The following MARK2 variants were observed in gnomAD, a reference collection of about 807,000 sequenced individuals.
MARK2 encodes serine/threonine-protein kinase MARK2.
A neutral mutation model predicts 89.8 loss-of-function variants in MARK2; 16 were observed. That is an observed-to-expected ratio of 0.18 (90% CI 0.12 to 0.27). The LOEUF (loss-of-function observed/expected upper bound fraction) is 0.27. MARK2 is among the 10% of genes least tolerant of loss of function. MARK2 has a pLI of 1.00. For synonymous variants in MARK2, 382 were observed against 399.5 expected (o/e 0.96, Z 0.52); for missense variants, 621 against 1,049.9 (o/e 0.59, Z 5.65).
At position 63,899,912 on chromosome 11, in the gene MARK2, G is replaced by A. The variant is rs1940729013; in HGVS notation, c.570G>A (p.Lys190=). ...NLLLDADMNI[K]IADFGFSNEF... is the part of the protein sequence containing the mutation. ...TCTTGGATGCTGATATGAACATCAA[G>A]ATTGCAGACTTTGGCTTCAGCAATG... Residue 190 remains lysine, a synonymous_variant, in exon 8 of 19, where the codon AAG becomes AAA. Transcript: ENST00000402010. 7 of 1,614,154 alleles carry A rather than the reference G, an allele frequency of 4.3e-6. No individual in the cohort carries two copies. Among genetic ancestry groups the A allele is most frequent in the Non-Finnish European group, 5.9e-6 (7 of 1,180,000 alleles).
rs558837166 is a variant in MARK2 at position 63,896,507 on chromosome 11, G to A, written c.288+874G>A. On this transcript the variant is annotated intron_variant, in intron 3 of 18. Coordinates refer to ENST00000402010, the MANE Select transcript of MARK2 (RefSeq NM_001039469.3). ...ATATTTTCTCCATAAGCATATTGTG[G>A]CAGTTGAGTTAGGAGAAGGCATGAT... Among the ~76,000 whole-genome samples, 3 of 152,332 alleles carry A rather than the reference G, an allele frequency of 2.0e-5. No homozygotes were observed. The South Asian group carries it at 6.2e-4, about 32-fold the overall frequency.
chr11:63,888,731 C>G (rs1307125045), intron 1 of MARK2: 3 of 1,197,890 alleles, frequency 2.5e-6, no homozygotes, highest in Non-Finnish European at 3.2e-6. Flanking sequence ...GCGACACCGT[C>G]CAGGTTCCCA....
chr11:63,845,488 C>T (rs1409151870), intron 1 of MARK2, among the ~76,000 whole-genome samples: 1 of 152,140 alleles, frequency 6.6e-6, no homozygotes, highest in Admixed American at 6.5e-5. Context: ...CTCCAGGCCT[C>T]CTCCCAGCTT....
rs772912414 is a variant in MARK2, at chr11:63,900,994, C to T, written c.1026C>T (p.Ile342=). ...CCATGGGTTATACACGGGAAGAGATCCAGGACTCGCTGGTGGGCCAGAGAT... is the reference window on the plus strand; with the variant it reads ...CCATGGGTTATACACGGGAAGAGATTCAGGACTCGCTGGTGGGCCAGAGAT... ...MVSMGYTREE[I]QDSLVGQRYN... Residue 342 remains isoleucine (I), a synonymous_variant, in exon 11 of 19, where the codon ATC becomes ATT. Transcript: ENST00000402010. The surrounding 1 kb of genome is among the most constrained non-coding windows in gnomAD (Gnocchi z 4.7). 6.2e-7 allele frequency: 1 copy of T among 1,614,108 alleles called. No homozygotes were observed. Among genetic ancestry groups the T allele is most frequent in the Non-Finnish European group, 8.5e-7 (1 of 1,179,968 alleles).
At chr11:63,879,271 C>T (rs755569354) in intron 1 of MARK2, among the ~76,000 whole-genome samples, 9 of 152,076 alleles carry the variant, frequency 5.9e-5, no homozygotes, top group Non-Finnish European at 1.0e-4. Flanking sequence ...GACACCACTG[C>T]ACTCCAGCCT....
chr11:63,879,525 C>T (rs1938968840), intron 1 of MARK2, among the ~76,000 whole-genome samples: 2 of 151,830 alleles, frequency 1.3e-5, no homozygotes, highest in South Asian at 4.2e-4. Flanking sequence ...TCCAGTAGCA[C>T]CTGAAACAGG....
chr11:63,883,672 C>T (rs1939233280), intron 1 of MARK2, among the ~76,000 whole-genome samples: 1 of 152,118 alleles, frequency 6.6e-6, no homozygotes, highest in Non-Finnish European at 1.5e-5. Flanking sequence ...CTCAGCCTAC[C>T]TCCCTGGGCT....
chr11:63,882,763 C>T (rs1939173417), intron 1 of MARK2: 1 of 152,140 alleles, frequency 6.6e-6, no homozygotes, highest in South Asian at 2.1e-4. Context: ...TATGGTGCCC[C>T]AGTATACAGC....
chr11:63,849,388 C>T (rs181311715), intron 1 of MARK2, among the ~76,000 whole-genome samples: 8 of 152,318 alleles, frequency 5.3e-5, no homozygotes, highest in African/African-American at 1.9e-4. Context: ...GCTTATGGCA[C>T]AGCTGAGAGG....
intron 17 of MARK2, among the ~76,000 whole-genome samples, chr11:63,906,339 A>G (rs905784717): frequency 6.6e-6 from 1 of 152,222 alleles, no homozygotes; most frequent in East Asian, 1.9e-4. Flanking sequence ...AGGCAGGGCT[A>G]AGAGGCCACA....
chr11:63,856,324 T>G (rs1199999049), intron 1 of MARK2, among the ~76,000 whole-genome samples: 10 of 149,424 alleles, frequency 6.7e-5, no homozygotes, highest in African/African-American at 1.2e-4. Flanking sequence ...TTTTTTTGTT[T>G]TTTTTTTTTT....
At chr11:63,839,602 C>T in intron 1 of MARK2, 42 bp downstream of exon 1, 5 of 1,307,278 alleles carry the variant, frequency 3.8e-6, no homozygotes, top group Non-Finnish European at 5.3e-6. Flanking sequence ...TGGCTGGGCC[C>T]TTTGCACCTT....
chr11:63,855,052 A>G (rs2016772356), intron 1 of MARK2, among the ~76,000 whole-genome samples: 1 of 152,212 alleles, frequency 6.6e-6, no homozygotes, highest in Admixed American at 6.5e-5. Flanking sequence ...CAAGTTTTCA[A>G]GTGAAAATTA....
rs115095873 is a variant in MARK2, at chr11:63,881,948, T to C, written c.55-13211T>C. Among the ~76,000 whole-genome samples the C allele has an allele frequency of 4.8e-3, 735 of 152,136 alleles. 6 individuals are homozygous for C. Among genetic ancestry groups the C allele is most frequent in the African/African-American group, 0.017 (708 of 41,488 alleles). On this transcript the variant is annotated intron_variant, in intron 1 of 18. Coordinates refer to ENST00000402010, the MANE Select transcript of MARK2 (RefSeq NM_001039469.3). ...TCCAGCCTGGGCAAGAGAGCAAGACTTCATCTCACAAAAGAAGAAGAAATG... is the reference window on the plus strand; with the variant it reads ...TCCAGCCTGGGCAAGAGAGCAAGACCTCATCTCACAAAAGAAGAAGAAATG...
At chr11:63,886,643 C>T (rs1939416964) in intron 1 of MARK2, among the ~76,000 whole-genome samples, 1 of 152,132 alleles carries the variant, frequency 6.6e-6, no homozygotes, top group Non-Finnish European at 1.5e-5. Flanking sequence ...AGGCTGGTCT[C>T]GAACTCCTGA....
Position 63,904,879 on chromosome 11 carries a change from T to C in MARK2, c.1770T>C (p.Gly590=). The part of the protein sequence containing the change: ...GAPDRTNFPR[G]VSSRSTFHAG... ...CAGACCGAACTAACTTCCCCCGGGG[T>C]GTGTCCAGCCGAAGCACCTTCCATG... The change falls in exon 16 of 19, where the codon GGT becomes GGC. Residue 590 remains glycine (G), a synonymous_variant. Transcript: ENST00000402010. The surrounding 1 kb of genome is among the most constrained non-coding windows in gnomAD (Gnocchi z 6.3). 1.2e-6 allele frequency: 2 copies of C among 1,613,978 alleles called. No individual in the cohort carries two copies. The highest frequency in any genetic ancestry group is 1.3e-5 in the African/African-American group (1 of 74,956).
Position 63,909,573 on chromosome 11 carries a change from CAAAAAGA to C in MARK2, c.*349_*355del, listed in dbSNP as rs957027909. ...CCTAAACCAAGAAATTTTTTATTAC[CAAAAAGA>C]AAAAAGAAAAAAAAAATCCCAGCGG... is the stretch of plus-strand genomic sequence containing the variant. On this transcript the variant is annotated 3_prime_UTR_variant, in exon 19 of 19. Transcript: ENST00000402010. 2.1e-4 allele frequency: 40 copies of C among 192,854 alleles called. No individual in the cohort carries two copies. The highest frequency in any genetic ancestry group is 3.7e-4 in the African/African-American group (16 of 42,832). 11.9% of individuals were successfully genotyped at this position (192,854 alleles called of 1,614,324 possible). A position where few individuals can be genotyped will look rare whatever the true frequency, so the allele number is the denominator to read the frequency against.
intron 3 of MARK2, among the ~76,000 whole-genome samples, chr11:63,896,539 T>TA (rs1412287495): frequency 6.6e-6 from 1 of 152,244 alleles, no homozygotes; most frequent in African/African-American, 2.4e-5. Flanking sequence ...TGATTCGTGC[T>TA]AACAGAGTCA....
chr11:63,845,190 A>G (rs749081894), intron 1 of MARK2, among the ~76,000 whole-genome samples: 3 of 152,140 alleles, frequency 2.0e-5, no homozygotes, highest in Non-Finnish European at 2.9e-5. Context: ...ACAAGCCCCT[A>G]TTCCCTCTGC....
Sources: gnomAD v4.1 joint callset for allele counts (sites outside exome capture counted in the v4.1 genomes callset) on GRCh38, gnomAD v4.1.1 for gene constraint, Gnocchi (gnomAD v3.1) non-coding constraint, MANE v1.5 for transcripts, NCBI Gene and HGNC (gene_info 2026-07-23, HGNC 2026-07-21) for gene names.